TMEM170B: variants seen among roughly 807,000 people sequenced by gnomAD.
TMEM170B encodes transmembrane protein 170B.
In TMEM170B, 6 loss-of-function variants were observed where a neutral mutation model predicts 13.0. The observed-to-expected ratio is 0.46, with a 90% CI of 0.25 to 0.91. The LOEUF is 0.91. Ranked by LOEUF, TMEM170B falls within the 40% of genes least tolerant of loss-of-function variation. TMEM170B has a pLI of 0.17. For synonymous variants in TMEM170B, 61 were observed against 64.9 expected (o/e 0.94, Z 0.29); for missense variants, 138 against 165.2 (o/e 0.84, Z 0.90).
chr6:11,543,637 C>T (rs911536077), intron 1 of TMEM170B, among the ~76,000 whole-genome samples: 8 of 152,016 alleles, frequency 5.3e-5, no homozygotes, highest in South Asian at 2.1e-4. Flanking sequence ...GGCATTTTTT[C>T]GTCATCATAA....
chr6:11,575,626 T>G lies in TMEM170B; in HGVS notation c.*65T>G. On this transcript the variant is annotated 3_prime_UTR_variant, in exon 3 of 3. Transcript: ENST00000379426. The surrounding 1 kb of genome is among the most constrained non-coding windows in gnomAD (Gnocchi z 4.1). Reference sequence around the variant, plus strand: ...ATGTACAGATTCCCTGAAAACGGCATTGTTAACAAGTGGAAATGAAATTGT... The same window carrying G: ...ATGTACAGATTCCCTGAAAACGGCAGTGTTAACAAGTGGAAATGAAATTGT... 1 of 1,582,964 alleles carries G rather than the reference T, an allele frequency of 6.3e-7. No homozygotes were observed. Among genetic ancestry groups the G allele is most frequent in the Non-Finnish European group, 8.7e-7 (1 of 1,155,924 alleles).
rs1263732779 is a variant in TMEM170B at position 11,582,585 on chromosome 6, T to A, written c.*7024T>A. 1.3e-5 allele frequency: 2 copies of A among 152,232 alleles called. No individual in the cohort carries two copies. Among genetic ancestry groups the A allele is most frequent in the Non-Finnish European group, 2.9e-5 (2 of 68,042 alleles). The allele number at this position is 152,232 out of a possible 1,614,324, so 9.4% of individuals were successfully genotyped here. ...AGTATGAAATGGAAAAAAATGTAGT[T>A]AAGAAAATTAAGTGTGAGACTTTAA... On this transcript the variant is annotated 3_prime_UTR_variant, in exon 3 of 3. Coordinates refer to ENST00000379426, the MANE Select transcript of TMEM170B (RefSeq NM_001100829.3).
rs1759956206 is a variant in TMEM170B at position 11,581,498 on chromosome 6, A to G, written c.*5937A>G. The G allele has an allele frequency of 6.6e-6, 1 of 152,254 alleles. No homozygotes were observed. The highest frequency in any genetic ancestry group is 1.5e-5 in the Non-Finnish European group (1 of 68,040). The allele number at this position is 152,254 out of a possible 1,614,324, so 9.4% of individuals were successfully genotyped here. A position where few individuals can be genotyped will look rare whatever the true frequency, so the allele number is the denominator to read the frequency against. On this transcript the variant is annotated 3_prime_UTR_variant, in exon 3 of 3. Coordinates refer to ENST00000379426, the MANE Select transcript of TMEM170B (RefSeq NM_001100829.3). ...ACATGTATCTACTCTTGGTAGTAAC[A>G]TGACTCCACCCTTTTTGGGAATGTA...
chr6:11,560,716 C>T (rs866053469), intron 1 of TMEM170B, among the ~76,000 whole-genome samples: 3 of 116,824 alleles, frequency 2.6e-5, no homozygotes, highest in Non-Finnish European at 3.7e-5. Context: ...CATATCTTAT[C>T]TCTAAAAGCC....
At chr6:11,562,861 CCACAAAGATCACTCATG>C (rs1159919166) in intron 1 of TMEM170B, among the ~76,000 whole-genome samples, 14 of 152,154 alleles carry the variant, frequency 9.2e-5, no homozygotes, top group Non-Finnish European at 2.1e-4. Context: ...AAATCCATTA[CCACAAAGATCACTCATG>C]TTGCTTTTTA....
chr6:11,566,173 C>T (rs74507034), intron 2 of TMEM170B, among the ~76,000 whole-genome samples: 2,920 of 152,262 alleles, frequency 0.019, 73 homozygotes, highest in African/African-American at 0.062. Flanking sequence ...AAAACAAAGG[C>T]ATAAAAATAT....
At chr6:11,552,446 A>G (rs886456140) in intron 1 of TMEM170B, among the ~76,000 whole-genome samples, 2 of 152,332 alleles carry the variant, frequency 1.3e-5, no homozygotes, top group East Asian at 1.9e-4. Context: ...GTCGTCATCC[A>G]AAAGACCACT....
intron 2 of TMEM170B, among the ~76,000 whole-genome samples, chr6:11,568,273 C>CA (rs1759760709): frequency 6.6e-6 from 1 of 151,966 alleles, no homozygotes; most frequent in African/African-American, 2.4e-5. Context: ...ATACAAAGGA[C>CA]AAAAAATCTA....
intron 2 of TMEM170B, among the ~76,000 whole-genome samples, chr6:11,571,604 C>T (rs2113781842): frequency 6.6e-6 from 1 of 152,158 alleles, no homozygotes; most frequent in Non-Finnish European, 1.5e-5. Flanking sequence ...TTATTTATTT[C>T]AAGAACCCTA....
intron 2 of TMEM170B, 99 bp downstream of exon 2, chr6:11,565,935 T>C: frequency 1.8e-6 from 2 of 1,126,376 alleles, no homozygotes; most frequent in Non-Finnish European, 2.6e-6. Context: ...TGAGATCTTT[T>C]ATGTAGATTA....
At position 11,575,558 on chromosome 6, in the gene TMEM170B, T is replaced by C; in HGVS notation, c.396T>C (p.Leu132=). 1 of 1,612,860 alleles carries C rather than the reference T, an allele frequency of 6.2e-7. No homozygotes were observed. The highest frequency in any genetic ancestry group is 8.5e-7 in the Non-Finnish European group (1 of 1,179,250). ...CCTTTTCAAGGATCCTCGCTACACT[T>C]TGAGGTTTCTGTGGGAATGTCTTAC... is the stretch of plus-strand genomic sequence containing the variant. ...IISFSRILAT[L] is the part of the protein sequence containing the mutation. The change falls in exon 3 of 3, where the codon CTT becomes CTC. Residue 132 remains leucine, a synonymous_variant. Transcript: ENST00000379426. This position sits in a 1 kb window ranked among gnomAD's most constrained non-coding sequence, Gnocchi z 4.1.
At chr6:11,542,463 A>G (rs1236913281) in intron 1 of TMEM170B, among the ~76,000 whole-genome samples, 1 of 152,194 alleles carries the variant, frequency 6.6e-6, no homozygotes, top group African/African-American at 2.4e-5. Flanking sequence ...GCCATTTCAT[A>G]AAGGATATGC....
Position 11,575,534 on chromosome 6 carries a change from C to G in TMEM170B, c.372C>G (p.Ser124=), listed in dbSNP as rs1486438393. The G allele has an allele frequency of 6.2e-7, 1 of 1,613,132 alleles. No homozygotes were observed. Among genetic ancestry groups the G allele is most frequent in the Non-Finnish European group, 8.5e-7 (1 of 1,179,472 alleles). ...AGACTGTACTGACATTAATCATCTC[C>G]TTTTCAAGGATCCTCGCTACACTTT... ...VGQTVLTLII[S]FSRILATL is the part of the protein sequence containing the mutation. Residue 124 remains serine (S), a synonymous_variant, in exon 3 of 3, where the codon TCC becomes TCG. Coordinates refer to ENST00000379426, the MANE Select transcript of TMEM170B (RefSeq NM_001100829.3). The surrounding 1 kb of genome is among the most constrained non-coding windows in gnomAD (Gnocchi z 4.1).
intron 1 of TMEM170B, among the ~76,000 whole-genome samples, chr6:11,560,963 T>G (rs1480049263): frequency 6.6e-6 from 1 of 152,166 alleles, no homozygotes; most frequent in African/African-American, 2.4e-5. Context: ...AAGTTACAGA[T>G]TGGGAGCAGA....
intron 1 of TMEM170B, among the ~76,000 whole-genome samples, chr6:11,562,506 C>T (rs76765393): frequency 0.05 from 7,626 of 151,338 alleles, 266 homozygotes; most frequent in African/African-American, 0.095. Context: ...TGAGTCCATT[C>T]TACGTGCCAG....
rs1448690899 is a variant in TMEM170B, at chr6:11,571,161, T to G, written c.269-4270T>G. On this transcript the variant is annotated intron_variant, in intron 2 of 2. Coordinates refer to ENST00000379426, the MANE Select transcript of TMEM170B (RefSeq NM_001100829.3). ...CTTTGTGCCTCTTCACCCTTAACCT[T>G]TATCATATGCTTGCTTTTTTTTTTT... 2.0e-5 allele frequency among the ~76,000 whole-genome samples: 3 copies of G among 146,672 alleles called. No homozygotes were observed. The Admixed American group carries it at 2.2e-4, about 11-fold the overall frequency.
intron 1 of TMEM170B, 104 bp from the exon 2 acceptor site, chr6:11,565,562 A>T: frequency 8.4e-7 from 1 of 1,193,522 alleles, no homozygotes; most frequent in African/African-American, 1.5e-5. Flanking sequence ...TTTTCTATGT[A>T]TTATGTCATT....
Position 11,575,545 on chromosome 6 carries a change from T to C in TMEM170B, c.383T>C (p.Ile128Thr), listed in dbSNP as rs751378915. 1.2e-6 allele frequency: 2 copies of C among 1,613,118 alleles called. No individual in the cohort carries two copies. The highest frequency in any genetic ancestry group is 1.7e-5 in the Admixed American group (1 of 59,984). Residue 128 changes from isoleucine (I) to threonine (T), a missense_variant, in exon 3 of 3, where the codon ATC becomes ACC. Coordinates refer to ENST00000379426, the MANE Select transcript of TMEM170B (RefSeq NM_001100829.3). The surrounding 1 kb of genome is among the most constrained non-coding windows in gnomAD (Gnocchi z 4.1). ...VLTLIISFSR[I>T]LATL ...ACATTAATCATCTCCTTTTCAAGGA[T>C]CCTCGCTACACTTTGAGGTTTCTGT...
At position 11,578,457 on chromosome 6, in the gene TMEM170B, C is replaced by T. The variant is rs948360843; in HGVS notation, c.*2896C>T. ...CATGCCCAAACTAATTACAGTTGAA[C>T]ATACTGATTAAAAATGCCATAGATC... is the stretch of plus-strand genomic sequence containing the variant. On this transcript the variant is annotated 3_prime_UTR_variant, in exon 3 of 3. Coordinates refer to ENST00000379426, the MANE Select transcript of TMEM170B (RefSeq NM_001100829.3). 2 of 152,106 alleles carry T rather than the reference C, an allele frequency of 1.3e-5. No individual in the cohort carries two copies. Among genetic ancestry groups the T allele is most frequent in the Admixed American group, 1.3e-4 (2 of 15,266 alleles). The allele number at this position is 152,106 out of a possible 1,614,324, so 9.4% of individuals were successfully genotyped here.
Sources: gnomAD v4.1 joint callset for allele counts (sites outside exome capture counted in the v4.1 genomes callset) on GRCh38, gnomAD v4.1.1 for gene constraint, Gnocchi (gnomAD v3.1) non-coding constraint, MANE v1.5 for transcripts, NCBI Gene and HGNC (gene_info 2026-07-23, HGNC 2026-07-21) for gene names.